The following NRXN3 variants were observed in gnomAD, a reference collection of about 807,000 sequenced individuals.
NRXN3 encodes the protein neurexin 3, also known as neurexin III.
NRXN3 carries 32 observed loss-of-function variants against 137.6 expected under a neutral mutation model. That is an observed-to-expected ratio of 0.23 (90% CI 0.18 to 0.31). The LOEUF (loss-of-function observed/expected upper bound fraction) is 0.31. Among genes scored for constraint, NRXN3 ranks in the 10% least tolerant of loss-of-function variants. The pLI, the probability that NRXN3 is intolerant of heterozygous loss-of-function variation, is 1.00. For synonymous variants in NRXN3, 798 were observed against 784.5 expected, an observed-to-expected ratio of 1.02 and a Z score of -0.29; for missense variants, 1,574 against 2,062.5, an observed-to-expected ratio of 0.76 and a Z score of 4.59.
intron 4 of NRXN3, among the ~76,000 whole-genome samples, chr14:78,525,416 T>C (rs1438812492): frequency 6.6e-6 from 1 of 152,232 alleles, no homozygotes; most frequent in Non-Finnish European, 1.5e-5. Context: ...GGTTCCTTTA[T>C]AAGCTTGACT....
intron 15 of NRXN3, among the ~76,000 whole-genome samples, chr14:79,142,522 A>C (rs1459010788): frequency 6.6e-6 from 1 of 152,232 alleles, no homozygotes; most frequent in Non-Finnish European, 1.5e-5. Context: ...TATTAAAAAA[A>C]CAATGATCCA....
chr14:79,516,531 T>G (rs180768220), intron 16 of NRXN3, among the ~76,000 whole-genome samples: 2 of 152,340 alleles, frequency 1.3e-5, no homozygotes, highest in Admixed American at 1.3e-4. Context: ...GCTATTATGA[T>G]GGGAGATTTC....
chr14:78,624,435 A>T (rs1601532911), intron 4 of NRXN3, among the ~76,000 whole-genome samples: 1 of 152,192 alleles, frequency 6.6e-6, no homozygotes, highest in Non-Finnish European at 1.5e-5. Flanking sequence ...GGATGAGGAG[A>T]TGGAAAAAGT....
intron 15 of NRXN3, among the ~76,000 whole-genome samples, chr14:79,131,011 C>A: frequency 6.6e-6 from 1 of 152,206 alleles, no homozygotes; most frequent in Non-Finnish European, 1.5e-5. Flanking sequence ...AGTTCTCGAG[C>A]CTTGGCTTTC....
chr14:79,064,825 A>G (rs1566677), intron 15 of NRXN3, among the ~76,000 whole-genome samples: 85,287 of 146,122 alleles, frequency 0.58, 25,480 homozygotes, highest in East Asian at 0.81. Context: ...GTGTGTGTGT[A>G]TATATAATTA....
intron 1 of NRXN3, among the ~76,000 whole-genome samples, chr14:78,209,706 C>T (rs990997337): frequency 6.6e-6 from 1 of 152,134 alleles, no homozygotes; most frequent in African/African-American, 2.4e-5. Context: ...GTCCCTCCCT[C>T]AACATGTGGA....
At chr14:78,979,570 G>A (rs985312642) in intron 14 of NRXN3, among the ~76,000 whole-genome samples, 2 of 152,150 alleles carry the variant, frequency 1.3e-5, no homozygotes, top group African/African-American at 2.4e-5. Context: ...GAAAGATTAG[G>A]CACTTACCAG....
At chr14:78,787,797 C>T (rs920707830) in intron 8 of NRXN3, among the ~76,000 whole-genome samples, 1 of 152,140 alleles carries the variant, frequency 6.6e-6, no homozygotes, top group African/African-American at 2.4e-5. Context: ...ATGAGCCATT[C>T]TTACCCTCAA....
intron 15 of NRXN3, among the ~76,000 whole-genome samples, chr14:79,465,433 A>G (rs2096408465): frequency 6.6e-6 from 1 of 152,216 alleles, no homozygotes; most frequent in Non-Finnish European, 1.5e-5. Context: ...GTTATGCTAC[A>G]TGTAATATAC....
At chr14:79,705,176 G>A (rs1215925379) in intron 19 of NRXN3, among the ~76,000 whole-genome samples, 3 of 152,132 alleles carry the variant, frequency 2.0e-5, no homozygotes, top group African/African-American at 7.2e-5. Flanking sequence ...GAACAGCTGG[G>A]AGGGAAGTGG....
intron 4 of NRXN3, among the ~76,000 whole-genome samples, chr14:78,338,287 C>T (rs148114991): frequency 1.7e-3 from 256 of 152,312 alleles, no homozygotes; most frequent in African/African-American, 5.9e-3. Context: ...TTCACTTCCC[C>T]AGTCTCACTA....
intron 16 of NRXN3, among the ~76,000 whole-genome samples, chr14:79,493,407 C>T (rs2096735961): frequency 6.6e-6 from 1 of 152,228 alleles, no homozygotes; most frequent in African/African-American, 2.4e-5. Flanking sequence ...ACAGTGCCTA[C>T]AGGAGCTACA....
chr14:78,449,453 A>G (rs1235678936), intron 4 of NRXN3, among the ~76,000 whole-genome samples: 1 of 152,182 alleles, frequency 6.6e-6, no homozygotes, highest in Non-Finnish European at 1.5e-5. Flanking sequence ...GCCCCAAGTG[A>G]TCCACCTGCC....
At chr14:78,322,121 C>A (rs1042928686) in intron 4 of NRXN3, among the ~76,000 whole-genome samples, 6 of 151,804 alleles carry the variant, frequency 4.0e-5, no homozygotes, top group Non-Finnish European at 2.9e-5. Context: ...TACTCTAATC[C>A]AAGCCAAAAA....
chr14:78,733,982 C>T (rs985494698), intron 8 of NRXN3, among the ~76,000 whole-genome samples: 8 of 152,106 alleles, frequency 5.3e-5, no homozygotes, highest in Non-Finnish European at 1.0e-4. Flanking sequence ...CATGAATGAC[C>T]TTGTTTAAGA....
chr14:78,850,168 GAGAGAA>G (rs200208640), intron 10 of NRXN3, among the ~76,000 whole-genome samples: 27 of 152,062 alleles, frequency 1.8e-4, no homozygotes, highest in East Asian at 5.8e-4. Flanking sequence ...GAGGAAGAGG[GAGAGAA>G]AGAGAAAGAG....
rs190186463 is a variant in NRXN3 at position 78,680,822 on chromosome 14, A to T, written c.1222-28395A>T. The stretch of plus-strand genomic sequence containing the variant: ...GGTTTCTGCCCAAGTTGTCTGGTCT[A>T]CCTCCTGAACTAGCATGTCTACAAT... On this transcript the variant is annotated intron_variant, in intron 6 of 20. Coordinates refer to ENST00000335750, the MANE Select transcript of NRXN3 (RefSeq NM_001330195.2). Among the ~76,000 whole-genome samples the T allele has an allele frequency of 1.3e-4, 20 of 152,152 alleles. No homozygotes were observed. The East Asian group carries it at 3.7e-3, about 28-fold the overall frequency.
intron 15 of NRXN3, among the ~76,000 whole-genome samples, chr14:79,049,746 A>G (rs1183398750): frequency 6.6e-5 from 10 of 152,202 alleles, no homozygotes; most frequent in Non-Finnish European, 8.8e-5. Context: ...AATTTGTAAA[A>G]AATACAATAT....
chr14:78,709,136 T>C, intron 6 of NRXN3, 81 bp from the exon 7 acceptor site: 2 of 1,372,406 alleles, frequency 1.5e-6, no homozygotes, highest in African/African-American at 1.4e-5. Context: ...TTTGGGTCAT[T>C]TTTCCAGGTG....
Sources: allele counts gnomAD v4.1 joint callset (sites outside exome capture counted in the v4.1 genomes callset), GRCh38; gene constraint gnomAD v4.1.1; transcripts MANE v1.5; gene names NCBI Gene and HGNC (gene_info 2026-07-23, HGNC 2026-07-21).